PTPRD: variants seen among roughly 807,000 people sequenced by gnomAD.
The protein encoded by PTPRD is receptor-type tyrosine-protein phosphatase delta.
Under a neutral mutation model 214.5 loss-of-function variants are expected in PTPRD, and 34 were observed. The observed-to-expected ratio is 0.16, with a 90% CI of 0.12 to 0.21. PTPRD has a LOEUF of 0.21. Among genes scored for constraint, PTPRD ranks in the 10% least tolerant of loss-of-function variants. The pLI is 1.00. For synonymous variants in PTPRD, 1,128 were observed against 845.7 expected (o/e 1.33, Z -5.79); for missense variants, 2,545 against 2,398.7 (o/e 1.06, Z -1.27).
rs1051524403 is a variant in PTPRD, at chr9:8,316,722, G to C, written c.*1152C>G. The C allele has an allele frequency of 4.3e-6, 1 of 230,824 alleles. No homozygotes were observed. Among genetic ancestry groups the C allele is most frequent in the African/African-American group, 2.2e-5 (1 of 44,918 alleles). The allele number at this position is 230,824 out of a possible 1,614,324, so 14.3% of individuals were successfully genotyped here. A position where few individuals can be genotyped will look rare whatever the true frequency, so the allele number is the denominator to read the frequency against. Reference sequence around the variant, plus strand: ...TTTGTGGATGTGATTGATTGGTTAGGTGGGGGTAGATTAGGTAGGAAATCA... The same window carrying C: ...TTTGTGGATGTGATTGATTGGTTAGCTGGGGGTAGATTAGGTAGGAAATCA... On this transcript the variant is annotated 3_prime_UTR_variant, in exon 46 of 46. Transcript: ENST00000381196.
chr9:8,824,503 G>T (rs947774869), intron 11 of PTPRD, among the ~76,000 whole-genome samples: 1 of 152,174 alleles, frequency 6.6e-6, no homozygotes, highest in Non-Finnish European at 1.5e-5. Flanking sequence ...GTATCTGTAA[G>T]ATTAGTTAAC....
rs139877726 is a variant in PTPRD at position 8,744,235 on chromosome 9, T to C, written c.-103-10289A>G. 1.1e-4 allele frequency among the ~76,000 whole-genome samples: 17 copies of C among 152,284 alleles called. No individual in the cohort carries two copies. In the East Asian group the frequency reaches 3.3e-3, roughly 29 times the overall value. ...CTAGTAAAACCGCTATGGAAAACGG[T>C]GTGAAGATTCCTTAAAGAACTGAAA... On this transcript the variant is annotated intron_variant, in intron 11 of 45. Transcript: ENST00000381196.
chr9:10,252,485 C>T (rs961235199), intron 3 of PTPRD, among the ~76,000 whole-genome samples: 1 of 152,096 alleles, frequency 6.6e-6, no homozygotes, highest in African/African-American at 2.4e-5. Flanking sequence ...TCCATTGTCT[C>T]CCCCATTTTC....
chr9:8,757,197 C>T (rs1395667278), intron 11 of PTPRD, among the ~76,000 whole-genome samples: 4 of 152,038 alleles, frequency 2.6e-5, no homozygotes, highest in Non-Finnish European at 5.9e-5. Flanking sequence ...TTTCTCAGAT[C>T]ATGCTAATAC....
At chr9:9,238,171 C>T (rs12336879) in intron 9 of PTPRD, among the ~76,000 whole-genome samples, 37,955 of 151,766 alleles carry the variant, frequency 0.25, 5,453 homozygotes, top group Middle Eastern at 0.34. Flanking sequence ...CTTTGGGAGG[C>T]CTCTGTCTTC....
intron 8 of PTPRD, among the ~76,000 whole-genome samples, chr9:9,427,278 G>A (rs1407992648): frequency 6.6e-6 from 1 of 152,164 alleles, no homozygotes; most frequent in Non-Finnish European, 1.5e-5. Flanking sequence ...ACAAGCTTCA[G>A]TAGCCGATTT....
intron 7 of PTPRD, among the ~76,000 whole-genome samples, chr9:9,632,743 A>G (rs147467568): frequency 6.6e-6 from 1 of 152,282 alleles, no homozygotes; most frequent in East Asian, 1.9e-4. Flanking sequence ...TGCCTGACAA[A>G]CTATAAAATA....
Position 8,437,181 on chromosome 9 carries a change from A to C in PTPRD, c.3989-492T>G, listed in dbSNP as rs376100660. On this transcript the variant is annotated intron_variant, in intron 34 of 45. Transcript: ENST00000381196. ...AGTAAACATAAAATGACTTATGCAT[A>C]ATCAAGGAAAACTAACTTGAAGAAT... The C allele has an allele frequency of 1.1e-5, 16 of 1,515,630 alleles. No individual in the cohort carries two copies. In the African/African-American group the frequency reaches 2.1e-4, roughly 20 times the overall value. 93.9% of individuals were successfully genotyped at this position (1,515,630 alleles called of 1,614,324 possible).
chr9:10,590,119 T>C (rs947601862), intron 2 of PTPRD, among the ~76,000 whole-genome samples: 1 of 151,986 alleles, frequency 6.6e-6, no homozygotes, highest in Admixed American at 6.6e-5. Flanking sequence ...CAATTAAACT[T>C]CTGAGCACTA....
intron 11 of PTPRD, among the ~76,000 whole-genome samples, chr9:8,928,678 T>A (rs543279570): frequency 6.6e-6 from 1 of 152,142 alleles, no homozygotes; most frequent in Admixed American, 6.6e-5. Flanking sequence ...ATATGGGCTC[T>A]TTTTTTGTTC....
rs73641278 is a variant in PTPRD at position 9,256,264 on chromosome 9, T to C, written c.-202-72901A>G. Among the ~76,000 whole-genome samples the C allele has an allele frequency of 2.8e-3, 433 of 152,134 alleles. 3 individuals carry two copies. Among genetic ancestry groups the C allele is most frequent in the African/African-American group, 9.8e-3 (406 of 41,550 alleles). ...TATAAAGGAAAGATCTCAAGGCTTT[T>C]AGCCTCTGTGGTTGAAAAAATGCTA... On this transcript the variant is annotated intron_variant, in intron 9 of 45. Transcript: ENST00000381196.
At chr9:9,406,539 A>C (rs1360339022) in intron 8 of PTPRD, among the ~76,000 whole-genome samples, 1 of 151,970 alleles carries the variant, frequency 6.6e-6, no homozygotes, top group Non-Finnish European at 1.5e-5. Flanking sequence ...TCATTTATCC[A>C]CTGTAGATCA....
intron 10 of PTPRD, among the ~76,000 whole-genome samples, chr9:9,035,164 C>A (rs889568032): frequency 1.3e-4 from 20 of 152,038 alleles, no homozygotes; most frequent in African/African-American, 3.9e-4. Flanking sequence ...GCTCAGTGAA[C>A]ACTTTTGCAT....
chr9:8,821,289 G>C (rs202126211), intron 11 of PTPRD, among the ~76,000 whole-genome samples: 3 of 149,930 alleles, frequency 2.0e-5, no homozygotes, highest in African/African-American at 7.4e-5. Flanking sequence ...CTCTCTCTCT[G>C]TCTCTCTCTC....
At chr9:10,266,629 G>T (rs1285369981) in intron 3 of PTPRD, among the ~76,000 whole-genome samples, 1 of 152,130 alleles carries the variant, frequency 6.6e-6, no homozygotes. Flanking sequence ...ATGGAAAGTG[G>T]ATAGGAGAGA....
intron 5 of PTPRD, among the ~76,000 whole-genome samples, chr9:9,873,385 T>C (rs1326093521): frequency 1.3e-5 from 2 of 151,654 alleles, no homozygotes; most frequent in Non-Finnish European, 2.9e-5. Context: ...CAAAGCATGG[T>C]CAATATATTT....
intron 33 of PTPRD, among the ~76,000 whole-genome samples, chr9:8,453,117 A>G (rs1286417888): frequency 1.3e-5 from 2 of 152,138 alleles, no homozygotes; most frequent in East Asian, 3.8e-4. Context: ...TTTTGGTTCA[A>G]CTCTCTCATT....
intron 7 of PTPRD, among the ~76,000 whole-genome samples, chr9:9,614,573 G>A (rs1044104847): frequency 6.6e-6 from 1 of 152,128 alleles, no homozygotes; most frequent in African/African-American, 2.4e-5. Context: ...GGTAAATTAT[G>A]TTTAGGCAGC....
At position 9,047,955 on chromosome 9, in the gene PTPRD, G is replaced by C. The variant is rs137997548; in HGVS notation, c.-142-29220C>G. 3.3e-3 allele frequency among the ~76,000 whole-genome samples: 499 copies of C among 152,068 alleles called. 1 individual carries two copies. The highest frequency in any genetic ancestry group is 0.011 in the African/African-American group (451 of 41,520). Reference sequence around the variant, plus strand: ...AAAGTGAAAAGAAACCTCACAGAATGGGAGAAAATATTTGCCCAATCAAAA... The same window carrying C: ...AAAGTGAAAAGAAACCTCACAGAATCGGAGAAAATATTTGCCCAATCAAAA... On this transcript the variant is annotated intron_variant, in intron 10 of 45. Coordinates refer to ENST00000381196, the MANE Select transcript of PTPRD (RefSeq NM_002839.4).
Sources: allele counts gnomAD v4.1 joint callset (sites outside exome capture counted in the v4.1 genomes callset), GRCh38; gene constraint gnomAD v4.1.1; transcripts MANE v1.5; gene names NCBI Gene and HGNC (gene_info 2026-07-23, HGNC 2026-07-21).